SLC39A10: variants seen among roughly 807,000 people sequenced by gnomAD.
The protein encoded by SLC39A10 is zinc transporter ZIP10.
A neutral mutation model predicts 65.1 loss-of-function variants in SLC39A10; 13 were observed. The ratio of observed to expected loss-of-function variants is 0.20; its 90% CI spans 0.13 to 0.32. SLC39A10 has a LOEUF of 0.32. Among genes scored for constraint, SLC39A10 ranks in the 10% least tolerant of loss-of-function variants. The pLI, the probability that SLC39A10 is intolerant of heterozygous loss-of-function variation, is 1.00. For missense variants in SLC39A10, 831 were observed against 1,018.4 expected, an observed-to-expected ratio of 0.82 and a Z score of 2.50; for synonymous variants, 321 against 342.2, an observed-to-expected ratio of 0.94 and a Z score of 0.68.
chr2:195,634,732 T>C (rs1387342751), intron 2 of SLC39A10, among the ~76,000 whole-genome samples: 1 of 152,174 alleles, frequency 6.6e-6, no homozygotes, highest in Non-Finnish European at 1.5e-5. Flanking sequence ...ACAGTTTCAG[T>C]GTTGAGTAAT....
chr2:195,714,075 C>T (rs1275113889), intron 6 of SLC39A10, among the ~76,000 whole-genome samples: 1 of 152,032 alleles, frequency 6.6e-6, no homozygotes, highest in African/African-American at 2.4e-5. Flanking sequence ...TACAGGCGCC[C>T]ACCACCACGC....
Position 195,680,487 on chromosome 2 carries a change from A to C in SLC39A10, c.445A>C (p.Arg149=). 6.2e-7 allele frequency: 1 copy of C among 1,614,222 alleles called. No homozygotes were observed. Among genetic ancestry groups the C allele is most frequent in the Non-Finnish European group, 8.5e-7 (1 of 1,180,044 alleles). The change falls in exon 2 of 10, where the codon AGA becomes CGA. Residue 149 remains arginine, a synonymous_variant. Transcript: ENST00000359634. ...NQTVTSVSTK[R]NHKCDPEKET... is the part of the protein sequence containing the mutation. ...AACTGTGACCAGTGTATCCACAAAA[A>C]GAAACCATAAATGTGATCCAGAGAA...
intron 2 of SLC39A10, among the ~76,000 whole-genome samples, chr2:195,624,983 C>A (rs1282972799): frequency 6.7e-6 from 1 of 149,770 alleles, no homozygotes; most frequent in Non-Finnish European, 1.5e-5. Context: ...AAGACCGAGG[C>A]GGGTGGATCG....
Position 195,728,294 on chromosome 2 carries a change from T to G in SLC39A10, c.2282T>G (p.Leu761Arg). The change falls in exon 9 of 10, where the codon CTT becomes CGT. Residue 761 changes from leucine (L) to arginine (R), a missense_variant. Physicochemically the swap from Leu to Arg is moderately radical, Grantham distance 102. Transcript: ENST00000359634. The surrounding 1 kb of genome is among the most constrained non-coding windows in gnomAD (Gnocchi z 4.4). Reference protein sequence around the residue: ...AVGQYANNITLWIFAVTAGMF... With the variant: ...AVGQYANNITRWIFAVTAGMF... ...GGTCAGTATGCCAATAACATCACACTTTGGATCTTTGCAGTCACTGCAGGC... is the reference window on the plus strand; with the variant it reads ...GGTCAGTATGCCAATAACATCACACGTTGGATCTTTGCAGTCACTGCAGGC... The G allele has an allele frequency of 6.2e-7, 1 of 1,614,050 alleles. No individual in the cohort carries two copies. Among genetic ancestry groups the G allele is most frequent in the Non-Finnish European group, 8.5e-7 (1 of 1,179,914 alleles).
intron 3 of SLC39A10, among the ~76,000 whole-genome samples, chr2:195,700,885 G>C (rs2105801958): frequency 6.6e-6 from 1 of 152,142 alleles, no homozygotes; most frequent in African/African-American, 2.4e-5. Context: ...ATATGTCTTG[G>C]TGTGGGTCTC....
chr2:195,662,840 T>C (rs1689460210), intron 1 of SLC39A10, among the ~76,000 whole-genome samples: 1 of 152,258 alleles, frequency 6.6e-6, no homozygotes, highest in Non-Finnish European at 1.5e-5. Context: ...GTATTGTCTA[T>C]AGCTGCTCTT....
chr2:195,698,098 T>G (rs1467878402), intron 3 of SLC39A10, among the ~76,000 whole-genome samples: 2 of 152,146 alleles, frequency 1.3e-5, no homozygotes, highest in Admixed American at 6.5e-5. Flanking sequence ...TCTAATACTT[T>G]TTTGTGTGAA....
chr2:195,717,288 T>G (rs1290660251), intron 7 of SLC39A10: 6 of 299,308 alleles, frequency 2.0e-5, no homozygotes, highest in Non-Finnish European at 3.7e-5. Flanking sequence ...AACATTATAT[T>G]TTCAAATGTA....
intron 4 of SLC39A10, among the ~76,000 whole-genome samples, chr2:195,708,180 T>A (rs1247428370): frequency 1.3e-5 from 2 of 152,040 alleles, no homozygotes; most frequent in Non-Finnish European, 2.9e-5. Context: ...GTAACAAACC[T>A]GCACTTGTAC....
intron 1 of SLC39A10, among the ~76,000 whole-genome samples, chr2:195,669,886 C>G (rs537707822): frequency 6.6e-6 from 1 of 152,192 alleles, no homozygotes; most frequent in South Asian, 2.1e-4. Flanking sequence ...TTGAGCTGGG[C>G]GCTGTGACTC....
intron 3 of SLC39A10, among the ~76,000 whole-genome samples, chr2:195,703,585 TAA>T: frequency 6.6e-6 from 1 of 152,198 alleles, no homozygotes; most frequent in Non-Finnish European, 1.5e-5. Flanking sequence ...TTTAAAGAGT[TAA>T]AATGTTCAAA....
chr2:195,719,762 G>T (rs1691956243), intron 8 of SLC39A10, among the ~76,000 whole-genome samples: 1 of 150,796 alleles, frequency 6.6e-6, no homozygotes, highest in Non-Finnish European at 1.5e-5. Context: ...GGGACTACAG[G>T]CATGGGCCAC....
intron 2 of SLC39A10, among the ~76,000 whole-genome samples, chr2:195,638,013 G>A (rs1258029605): frequency 6.6e-6 from 1 of 152,162 alleles, no homozygotes; most frequent in Non-Finnish European, 1.5e-5. Flanking sequence ...AGAGATCCTA[G>A]AGAAGATATT....
At chr2:195,617,728 T>TATTTTATTTTATTTTATTTG (rs1688250365) in intron 2 of SLC39A10, among the ~76,000 whole-genome samples, 1 of 134,854 alleles carries the variant, frequency 7.4e-6, no homozygotes, top group Non-Finnish European at 1.7e-5. Flanking sequence ...TCTTTTCTTT[T>TATTTTATTTTATTTTATTTG]ATTTTATTTT....
At chr2:195,667,000 A>G (rs899616432) in intron 1 of SLC39A10, among the ~76,000 whole-genome samples, 7 of 152,344 alleles carry the variant, frequency 4.6e-5, no homozygotes, top group African/African-American at 1.7e-4. Context: ...GAGAAAATGT[A>G]GGTTTGTACA....
intron 6 of SLC39A10, among the ~76,000 whole-genome samples, chr2:195,714,011 C>T (rs1344848519): frequency 6.6e-6 from 1 of 152,026 alleles, no homozygotes; most frequent in Non-Finnish European, 1.5e-5. Context: ...ACTGCAAGCT[C>T]CGCCTCCCGG....
intron 2 of SLC39A10, among the ~76,000 whole-genome samples, chr2:195,628,226 T>C (rs1469482127): frequency 6.6e-6 from 1 of 152,212 alleles, no homozygotes; most frequent in African/African-American, 2.4e-5. Context: ...TTTGAACATA[T>C]GAAATTCTCC....
chr2:195,680,587 A>G lies in SLC39A10; in HGVS notation c.545A>G (p.His182Arg). Residue 182 changes from histidine to arginine, a missense_variant, in exon 2 of 10, where the codon CAT (histidine) becomes CGT (arginine). By Grantham distance (29) the His-to-Arg change is conservative. This residue lies in a region of SLC39A10 where 446 missense variants were observed against 499.2 expected (regional missense o/e 0.89). Coordinates refer to ENST00000359634, the MANE Select transcript of SLC39A10 (RefSeq NM_020342.3). ...HDHNHRLRHHHRLHHHLDHNN... is the reference protein window; with the variant it reads ...HDHNHRLRHHRRLHHHLDHNN... ...CATAATCACCGCCTACGTCATCACC[A>G]TCGTTTGCATCATCATCTTGATCAT... is the stretch of plus-strand genomic sequence containing the variant. The G allele has an allele frequency of 6.2e-7, 1 of 1,614,170 alleles. No individual in the cohort carries two copies. The highest frequency in any genetic ancestry group is 8.5e-7 in the Non-Finnish European group (1 of 1,180,036).
intron 2 of SLC39A10, among the ~76,000 whole-genome samples, chr2:195,625,464 A>G (rs183145986): frequency 3.3e-3 from 502 of 151,642 alleles, no homozygotes; most frequent in South Asian, 0.014. Flanking sequence ...TTTAGTAGAG[A>G]CGGGGTTTCT....
Sources: allele counts gnomAD v4.1 joint callset (sites outside exome capture counted in the v4.1 genomes callset), GRCh38; gene constraint gnomAD v4.1.1; regional missense constraint gnomAD v4.1.1; non-coding constraint Gnocchi (gnomAD v3.1); transcripts MANE v1.5; gene names NCBI Gene and HGNC (gene_info 2026-07-23, HGNC 2026-07-21).